ARID2: variants seen among roughly 807,000 people sequenced by gnomAD.
The protein encoded by ARID2 is AT-rich interactive domain-containing protein 2.
A neutral mutation model predicts 184.6 loss-of-function variants in ARID2; 32 were observed. That is an observed-to-expected ratio of 0.17 (90% confidence interval 0.13 to 0.23). The LOEUF (loss-of-function observed/expected upper bound fraction) is 0.23. Among genes scored for constraint, ARID2 ranks in the 10% least tolerant of loss-of-function variants. ARID2 has a pLI of 1.00. For synonymous variants in ARID2, 836 were observed against 772.6 expected, an observed-to-expected ratio of 1.08 and a Z score of -1.36; for missense variants, 1,696 against 2,197.6, an observed-to-expected ratio of 0.77 and a Z score of 4.56.
At chr12:45,810,661 T>C (rs1263589241) in intron 3 of ARID2, among the ~76,000 whole-genome samples, 1 of 152,184 alleles carries the variant, frequency 6.6e-6, no homozygotes, top group Non-Finnish European at 1.5e-5. Context: ...TATTATTAAA[T>C]AAAGATATTC....
chr12:45,743,478 G>C (rs572600740), intron 3 of ARID2, among the ~76,000 whole-genome samples: 2 of 152,200 alleles, frequency 1.3e-5, no homozygotes, highest in African/African-American at 4.8e-5. Flanking sequence ...TTCAAGCAAC[G>C]AACTGCCTCA....
At chr12:45,811,623 A>G (rs1942710590) in intron 4 of ARID2, 72 bp downstream of exon 4, 1 of 1,520,638 alleles carries the variant, frequency 6.6e-7, no homozygotes, top group South Asian at 1.3e-5. Flanking sequence ...TCATCCAATG[A>G]GTTAGTCCCT....
chr12:45,750,223 C>T (rs1458039703), intron 3 of ARID2, among the ~76,000 whole-genome samples: 1 of 152,008 alleles, frequency 6.6e-6, no homozygotes, highest in South Asian at 2.1e-4. Flanking sequence ...TATAGGGATG[C>T]CCAAGGAGAA....
chr12:45,776,468 A>G (rs1941982183), intron 3 of ARID2: 1 of 152,236 alleles, frequency 6.6e-6, no homozygotes, highest in Non-Finnish European at 1.5e-5. Context: ...TTTGAGAAAT[A>G]TTATTTCAAG....
chr12:45,860,973 T>C (rs753742000), intron 16 of ARID2, 24 bp downstream of exon 16: 5 of 1,501,630 alleles, frequency 3.3e-6, no homozygotes, highest in Non-Finnish European at 4.5e-6. Context: ...TTATTTGATA[T>C]ATAAAAGTAT....
intron 4 of ARID2, among the ~76,000 whole-genome samples, chr12:45,817,092 C>T (rs1263003272): frequency 1.3e-5 from 2 of 151,466 alleles, no homozygotes; most frequent in Admixed American, 6.6e-5. Flanking sequence ...GCACAGGGCT[C>T]ATGCATGTAA....
Position 45,821,431 on chromosome 12 carries a change from T to G in ARID2, c.649T>G (p.Phe217Val). Reference protein sequence around the residue: ...AGVFDDTLGSFSTVFGEEWKE... With the variant: ...AGVFDDTLGSVSTVFGEEWKE... ...TATTTGTTTTTTAGCTTTAGGATCC[T>G]TTTCCACTGTATTTGGAGAAGAATG... The change falls in exon 6 of 21, where the codon TTT (phenylalanine) becomes GTT (valine). Residue 217 changes from phenylalanine to valine, a missense_variant. This residue lies in a region of ARID2 where 148 missense variants were observed against 285.4 expected (regional missense o/e 0.52). Transcript: ENST00000334344. The G allele has an allele frequency of 6.6e-7, 1 of 1,517,662 alleles. No individual in the cohort carries two copies. Among genetic ancestry groups the G allele is most frequent in the Non-Finnish European group, 8.8e-7 (1 of 1,137,788 alleles). The allele number at this position is 1,517,662 out of a possible 1,614,324, so 94.0% of individuals were successfully genotyped here. A position where few individuals can be genotyped will look rare whatever the true frequency, so the allele number is the denominator to read the frequency against.
chr12:45,803,401 C>T (rs1173772169), intron 3 of ARID2, among the ~76,000 whole-genome samples: 1 of 152,134 alleles, frequency 6.6e-6, no homozygotes, highest in Non-Finnish European at 1.5e-5. Flanking sequence ...CATTTGTCTT[C>T]AGTGATACAG....
At chr12:45,733,993 A>G (rs1941059654) in intron 3 of ARID2, among the ~76,000 whole-genome samples, 1 of 152,256 alleles carries the variant, frequency 6.6e-6, no homozygotes, top group African/African-American at 2.4e-5. Context: ...CTCCAGAAAT[A>G]TATACACGTA....
intron 3 of ARID2, among the ~76,000 whole-genome samples, chr12:45,806,353 C>G (rs1942601018): frequency 6.6e-6 from 1 of 152,088 alleles, no homozygotes; most frequent in Non-Finnish European, 1.5e-5. Flanking sequence ...CCCGGACACC[C>G]TAGCCCCAGG....
At chr12:45,839,647 T>C (rs1011935828) in intron 11 of ARID2, 151 bp downstream of exon 11, 1 of 790,206 alleles carries the variant, frequency 1.3e-6, no homozygotes, top group Non-Finnish European at 1.9e-6. Flanking sequence ...ATTTCTTAGA[T>C]ATTATACATT....
intron 6 of ARID2, among the ~76,000 whole-genome samples, chr12:45,825,860 T>A (rs897929716): frequency 1.3e-5 from 2 of 151,926 alleles, no homozygotes; most frequent in Non-Finnish European, 2.9e-5. Flanking sequence ...TGAGACCCTG[T>A]CTTTAAGGGG....
intron 3 of ARID2, among the ~76,000 whole-genome samples, chr12:45,768,888 G>A (rs1461692335): frequency 1.3e-5 from 2 of 152,138 alleles, no homozygotes; most frequent in Non-Finnish European, 2.9e-5. Flanking sequence ...AACTGGATGT[G>A]GTCAAAGAAA....
intron 16 of ARID2, among the ~76,000 whole-genome samples, chr12:45,871,800 G>A (rs1308257570): frequency 6.6e-6 from 1 of 152,142 alleles, no homozygotes; most frequent in African/African-American, 2.4e-5. Context: ...TAGTTACAAT[G>A]TTATTCAGAT....
chr12:45,806,339 T>G (rs990635190), intron 3 of ARID2, among the ~76,000 whole-genome samples: 1 of 152,164 alleles, frequency 6.6e-6, no homozygotes, highest in African/African-American at 2.4e-5. Flanking sequence ...TGGTGACCCA[T>G]GTACCCGGAC....
rs1351471079 is a variant in ARID2, at chr12:45,852,693, A to G, written c.4570A>G (p.Arg1524Gly). 2.5e-6 allele frequency: 4 copies of G among 1,614,218 alleles called. No individual in the cohort carries two copies. The highest frequency in any genetic ancestry group is 3.3e-5 in the Admixed American group (2 of 60,030). The change falls in exon 15 of 21, where the codon AGG (arginine) becomes GGG (glycine). Residue 1524 changes from arginine (R) to glycine (G), a missense_variant. By Grantham distance (125) the Arg-to-Gly change is moderately radical. This residue lies in a region of ARID2 where 428 missense variants were observed against 409.1 expected (regional missense o/e 1.05). Coordinates refer to ENST00000334344, the MANE Select transcript of ARID2 (RefSeq NM_152641.4). ...AAAGAGGCCAGCAGAGGATACTGAT[A>G]GGGAAACAGTCGCAGGAATTCCAAA... Reference protein sequence around the residue: ...TVKRPAEDTDRETVAGIPNKV... With the variant: ...TVKRPAEDTDGETVAGIPNKV...
At chr12:45,855,909 G>T (rs530397915) in intron 15 of ARID2, among the ~76,000 whole-genome samples, 1 of 151,788 alleles carries the variant, frequency 6.6e-6, no homozygotes. Flanking sequence ...TTTTATTTTT[G>T]TAGAGTTGGG....
At position 45,837,318 on chromosome 12, in the gene ARID2, C is replaced by A. The variant is rs1592108891; in HGVS notation, c.1024-3C>A. On this transcript the variant is annotated splice_polypyrimidine_tract_variant and splice_region_variant and intron_variant, in intron 8 of 20. Transcript: ENST00000334344. ...TCAATAATAGTGTTGTTTCTTTTTCCAGCTTTTACTGGACCCTGTTGATTT... is the reference window on the plus strand; with the variant it reads ...TCAATAATAGTGTTGTTTCTTTTTCAAGCTTTTACTGGACCCTGTTGATTT... 1 of 1,592,306 alleles carries A rather than the reference C, an allele frequency of 6.3e-7. No individual in the cohort carries two copies. The highest frequency in any genetic ancestry group is 8.5e-7 in the Non-Finnish European group (1 of 1,172,464).
chr12:45,837,820 C>A, intron 10 of ARID2, 113 bp downstream of exon 10: 1 of 861,706 alleles, frequency 1.2e-6, no homozygotes, highest in Non-Finnish European at 1.7e-6. Flanking sequence ...TTTGAAGAGT[C>A]ATTACCTCCT....
Sources: allele counts gnomAD v4.1 joint callset (sites outside exome capture counted in the v4.1 genomes callset), GRCh38; gene constraint gnomAD v4.1.1; regional missense constraint gnomAD v4.1.1; transcripts MANE v1.5; gene names NCBI Gene and HGNC (gene_info 2026-07-23, HGNC 2026-07-21).